ALK: variants seen among roughly 807,000 people sequenced by gnomAD.
ALK encodes the protein ALK tyrosine kinase receptor.
Under a neutral mutation model 163.1 loss-of-function variants are expected in ALK, and 74 were observed. That is an observed-to-expected ratio of 0.45 (90% CI 0.38 to 0.55). The LOEUF (loss-of-function observed/expected upper bound fraction) is 0.55. Ranked by LOEUF, ALK falls within the 20% of genes least tolerant of loss-of-function variation. The probability of loss-of-function intolerance (pLI) is 0.00; values close to 1 mark genes in which losing one functional copy is unlikely to be tolerated. For missense variants in ALK, 2,063 were observed against 2,105.3 expected, an observed-to-expected ratio of 0.98 and a Z score of 0.39; for synonymous variants, 960 against 843.2, an observed-to-expected ratio of 1.14 and a Z score of -2.40.
intron 3 of ALK, among the ~76,000 whole-genome samples, chr2:29,676,563 C>A (rs1677879600): frequency 6.6e-6 from 1 of 151,858 alleles, no homozygotes; most frequent in Admixed American, 6.6e-5. Context: ...ATTACTTTGG[C>A]TTTATAGTAA....
intron 1 of ALK, among the ~76,000 whole-genome samples, chr2:29,813,273 GT>G (rs1217275417): frequency 1.3e-5 from 2 of 152,178 alleles, no homozygotes; most frequent in Admixed American, 1.3e-4. Flanking sequence ...ATTCAAAAAT[GT>G]CTTTTCCAGG....
chr2:29,898,627 T>A (rs1317875288), intron 1 of ALK, among the ~76,000 whole-genome samples: 3 of 152,214 alleles, frequency 2.0e-5, no homozygotes, highest in Non-Finnish European at 4.4e-5. Flanking sequence ...AACCGCCACA[T>A]CAAGCTCCCT....
rs533542082 is a variant in ALK at position 29,416,202 on chromosome 2, G to T, written c.1155-32343C>A. Among the ~76,000 whole-genome samples, 621 of 152,326 alleles carry T rather than the reference G, an allele frequency of 4.1e-3. 1 individual carries two copies. Among genetic ancestry groups the T allele is most frequent in the African/African-American group, 0.014 (564 of 41,568 alleles). On this transcript the variant is annotated intron_variant, in intron 4 of 28. Coordinates refer to ENST00000389048, the MANE Select transcript of ALK (RefSeq NM_004304.5). ...TGAATACAAGGACACAGGCCCGAAG[G>T]CTACATGTCAGGAGTGGCTGGAGGG...
chr2:29,199,386 GATAA>G (rs1422347006), intron 26 of ALK, among the ~76,000 whole-genome samples: 1 of 152,070 alleles, frequency 6.6e-6, no homozygotes, highest in African/African-American at 2.4e-5. Context: ...CCAAAGATTA[GATAA>G]ATATTTGCTA....
intron 1 of ALK, among the ~76,000 whole-genome samples, chr2:29,834,583 T>A (rs1665508991): frequency 6.6e-6 from 1 of 152,212 alleles, no homozygotes; most frequent in South Asian, 2.1e-4. Context: ...ATAGACATTT[T>A]ATCAGCTTAA....
chr2:29,200,501 G>C (rs1310051811), intron 26 of ALK, among the ~76,000 whole-genome samples: 1 of 151,822 alleles, frequency 6.6e-6, no homozygotes, highest in Non-Finnish European at 1.5e-5. Flanking sequence ...AGTTTTTTTA[G>C]TATATGTATG....
Position 29,314,744 on chromosome 2 carries a change from A to AT in ALK, c.1647+3559dup, listed in dbSNP as rs1187599545. ...AAGGCCTGAGAACGTGGTTTAAATT[A>AT]TTCTAGTCACAGGCAGGCTATTCAA... On this transcript the variant is annotated intron_variant, in intron 8 of 28. Transcript: ENST00000389048. Among the ~76,000 whole-genome samples, 3 of 152,308 alleles carry AT rather than the reference A, an allele frequency of 2.0e-5. No individual in the cohort carries two copies. The East Asian group carries it at 5.8e-4, about 29-fold the overall frequency.
intron 1 of ALK, among the ~76,000 whole-genome samples, chr2:29,745,574 G>T (rs572090005): frequency 3.9e-4 from 59 of 152,294 alleles, no homozygotes; most frequent in African/African-American, 1.3e-3. Flanking sequence ...ATGCACTAAT[G>T]AAAGGATCAG....
chr2:29,763,221 A>C (rs532911646), intron 1 of ALK, among the ~76,000 whole-genome samples: 1 of 152,306 alleles, frequency 6.6e-6, no homozygotes, highest in South Asian at 2.1e-4. Context: ...TCATCTGTAC[A>C]ATGAGAATAA....
intron 1 of ALK, among the ~76,000 whole-genome samples, chr2:29,801,725 A>G (rs769671013): frequency 6.6e-6 from 1 of 152,198 alleles, no homozygotes; most frequent in East Asian, 1.9e-4. Context: ...GCAAACCATA[A>G]AAGTTAAAAG....
intron 2 of ALK, among the ~76,000 whole-genome samples, chr2:29,708,564 C>A (rs996838463): frequency 1.3e-5 from 2 of 152,130 alleles, no homozygotes; most frequent in African/African-American, 4.8e-5. Context: ...CTGAGGCAAT[C>A]TGTGGGGCAG....
In ALK at chr2:29,666,315, C is replaced by T. The variant is rs560326235; in HGVS notation, c.952+28535G>A. On this transcript the variant is annotated intron_variant, in intron 3 of 28. Coordinates refer to ENST00000389048, the MANE Select transcript of ALK (RefSeq NM_004304.5). ...TTACTAGATGGTCGTTTCTAGGGTCCCTTTTTTTTCTCCCCACTGCTTTGA... is the reference window on the plus strand; with the variant it reads ...TTACTAGATGGTCGTTTCTAGGGTCTCTTTTTTTTCTCCCCACTGCTTTGA... Among the ~76,000 whole-genome samples, 21 of 152,102 alleles carry T rather than the reference C, an allele frequency of 1.4e-4. No homozygotes were observed. In the South Asian group the frequency reaches 3.8e-3, roughly 27 times the overall value.
chr2:29,336,366 T>C (rs1667614620), intron 5 of ALK, among the ~76,000 whole-genome samples: 1 of 152,338 alleles, frequency 6.6e-6, no homozygotes, highest in Admixed American at 6.5e-5. Context: ...TTCCAGGGCA[T>C]CTTTCCAAAG....
intron 3 of ALK, among the ~76,000 whole-genome samples, chr2:29,651,606 A>G (rs1407131052): frequency 6.6e-6 from 1 of 152,170 alleles, no homozygotes; most frequent in African/African-American, 2.4e-5. Flanking sequence ...CACCCAATTC[A>G]AAGGCTTCTG....
intron 1 of ALK, among the ~76,000 whole-genome samples, chr2:29,752,774 G>T (rs181433092): frequency 1.6e-4 from 24 of 152,280 alleles, no homozygotes; most frequent in Non-Finnish European, 2.1e-4. Flanking sequence ...AGCCCTGAAG[G>T]TTCTCCTTCC....
At chr2:29,426,768 G>A (rs549888435) in intron 4 of ALK, among the ~76,000 whole-genome samples, 62 of 152,096 alleles carry the variant, frequency 4.1e-4, no homozygotes, top group African/African-American at 1.4e-3. Flanking sequence ...GGCCGGGCAC[G>A]GTGGCTCACG....
At chr2:29,578,908 A>C (rs988289717) in intron 3 of ALK, among the ~76,000 whole-genome samples, 6 of 152,186 alleles carry the variant, frequency 3.9e-5, no homozygotes, top group African/African-American at 1.4e-4. Context: ...AGACAATCTG[A>C]GCACTGTCTC....
At chr2:29,265,245 G>A (rs1390634782) in intron 11 of ALK, among the ~76,000 whole-genome samples, 2 of 152,042 alleles carry the variant, frequency 1.3e-5, no homozygotes, top group East Asian at 1.9e-4. Flanking sequence ...CTTGAACTCC[G>A]GACCTCAAGT....
intron 1 of ALK, among the ~76,000 whole-genome samples, chr2:29,902,339 C>T (rs1667437680): frequency 6.6e-6 from 1 of 152,176 alleles, no homozygotes; most frequent in South Asian, 2.1e-4. Flanking sequence ...TGTGCCAAGG[C>T]CTGTGAAGTT....
Sources: allele counts gnomAD v4.1 joint callset (sites outside exome capture counted in the v4.1 genomes callset), GRCh38; gene constraint gnomAD v4.1.1; transcripts MANE v1.5; gene names NCBI Gene and HGNC (gene_info 2026-07-23, HGNC 2026-07-21).